Variants in CTNNA3 observed in about 807,000 individuals in gnomAD.
The protein encoded by CTNNA3 is catenin alpha 3, also known as catenin alpha-3.
A neutral mutation model predicts 95.7 loss-of-function variants in CTNNA3; 76 were observed. The ratio of observed to expected loss-of-function variants is 0.79; its 90% CI spans 0.66 to 0.96. The LOEUF (loss-of-function observed/expected upper bound fraction) is 0.96, where lower values mean the gene tolerates loss of function less well. Among genes scored for constraint, CTNNA3 ranks in the 40% least tolerant of loss-of-function variants. The probability of loss-of-function intolerance (pLI) is 0.00; values close to 1 mark genes in which losing one functional copy is unlikely to be tolerated. For missense variants in CTNNA3, 1,191 were observed against 1,089.8 expected, an observed-to-expected ratio of 1.09 and a Z score of -1.31; for synonymous variants, 431 against 374.4, an observed-to-expected ratio of 1.15 and a Z score of -1.74.
intron 13 of CTNNA3, among the ~76,000 whole-genome samples, chr10:66,171,373 C>T (rs977445485): frequency 1.3e-5 from 2 of 151,122 alleles, no homozygotes; most frequent in East Asian, 2.0e-4. Context: ...TGGTGAAACA[C>T]CATCTCTACT....
chr10:67,552,394 T>G (rs943012532), intron 3 of CTNNA3, among the ~76,000 whole-genome samples: 14 of 152,158 alleles, frequency 9.2e-5, no homozygotes, highest in Non-Finnish European at 1.3e-4. Context: ...GGGGTACATG[T>G]GCAGGATGTA....
intron 3 of CTNNA3, among the ~76,000 whole-genome samples, chr10:67,580,358 A>C (rs10823070): frequency 0.23 from 34,246 of 151,438 alleles, 7,154 homozygotes; most frequent in African/African-American, 0.56. Flanking sequence ...CAAAGATCAG[A>C]TGGTTGTAGA....
At chr10:67,424,869 A>G (rs1449474365) in intron 5 of CTNNA3, among the ~76,000 whole-genome samples, 4 of 152,128 alleles carry the variant, frequency 2.6e-5, no homozygotes, top group Non-Finnish European at 5.9e-5. Flanking sequence ...ATGTTTGTTA[A>G]ATGAATACAT....
chr10:66,631,488 G>A (rs556885982), intron 9 of CTNNA3, among the ~76,000 whole-genome samples: 91 of 152,122 alleles, frequency 6.0e-4, no homozygotes, highest in Non-Finnish European at 1.2e-3. Context: ...ATCTAATACT[G>A]AAATTCCTTT....
At chr10:67,071,823 T>A (rs1284317076) in intron 7 of CTNNA3, among the ~76,000 whole-genome samples, 1 of 152,212 alleles carries the variant, frequency 6.6e-6, no homozygotes, top group Non-Finnish European at 1.5e-5. Flanking sequence ...ATGCTTTGAG[T>A]ATTTTTTCAG....
intron 11 of CTNNA3, among the ~76,000 whole-genome samples, chr10:66,484,921 G>A (rs2131914173): frequency 6.6e-6 from 1 of 152,160 alleles, no homozygotes; most frequent in South Asian, 2.1e-4. Context: ...CAGATGCAAG[G>A]ATGATTCAAC....
intron 5 of CTNNA3, among the ~76,000 whole-genome samples, chr10:67,422,065 A>G (rs1564638817): frequency 6.6e-6 from 1 of 152,086 alleles, no homozygotes; most frequent in Non-Finnish European, 1.5e-5. Flanking sequence ...CAAACACAAG[A>G]CAAACTGAGA....
At chr10:66,298,770 T>C (rs1337025747) in intron 12 of CTNNA3, among the ~76,000 whole-genome samples, 1 of 152,172 alleles carries the variant, frequency 6.6e-6, no homozygotes, top group Admixed American at 6.5e-5. Flanking sequence ...CTTGAGCTAG[T>C]GAAGCAACAA....
intron 7 of CTNNA3, among the ~76,000 whole-genome samples, chr10:67,069,076 A>G (rs188852566): frequency 6.4e-4 from 98 of 152,124 alleles, no homozygotes; most frequent in African/African-American, 2.2e-3. Flanking sequence ...GTAAAAATAT[A>G]TATGAAAGAA....
At chr10:66,054,503 A>T (rs1212088444) in intron 15 of CTNNA3, among the ~76,000 whole-genome samples, 6 of 152,120 alleles carry the variant, frequency 3.9e-5, no homozygotes, top group Admixed American at 6.6e-5. Flanking sequence ...TTCATATACC[A>T]GTTTGCCATT....
chr10:66,436,524 T>C (rs1482308704), intron 11 of CTNNA3, among the ~76,000 whole-genome samples: 2 of 114,810 alleles, frequency 1.7e-5, no homozygotes, highest in Admixed American at 7.9e-5. Flanking sequence ...TTTTTTTTTT[T>C]TTGCTTTCTA....
At chr10:66,885,041 C>T (rs1844993151) in intron 7 of CTNNA3, among the ~76,000 whole-genome samples, 1 of 151,990 alleles carries the variant, frequency 6.6e-6, no homozygotes, top group Admixed American at 6.6e-5. Flanking sequence ...CAAAGGGCAC[C>T]CAAGAACCTG....
At chr10:66,970,505 G>GGC (rs1849661760) in intron 7 of CTNNA3, among the ~76,000 whole-genome samples, 1 of 144,636 alleles carries the variant, frequency 6.9e-6, no homozygotes, top group African/African-American at 2.5e-5. Context: ...TCTTGGGTGG[G>GGC]GGGGGGATAC....
intron 13 of CTNNA3, among the ~76,000 whole-genome samples, chr10:66,275,836 G>A (rs1447336488): frequency 6.6e-6 from 1 of 151,758 alleles, no homozygotes; most frequent in Admixed American, 6.6e-5. Context: ...AAAAAAAAAT[G>A]TTAAGGAAGA....
intron 1 of CTNNA3, among the ~76,000 whole-genome samples, chr10:67,656,723 C>G (rs948366453): frequency 6.6e-6 from 1 of 151,610 alleles, no homozygotes; most frequent in Non-Finnish European, 1.5e-5. Flanking sequence ...AGCAGACAGC[C>G]GGGGGAAGAG....
chr10:66,715,584 GTAT>G (rs774844300), intron 9 of CTNNA3, among the ~76,000 whole-genome samples: 3 of 152,094 alleles, frequency 2.0e-5, no homozygotes, highest in Non-Finnish European at 4.4e-5. Flanking sequence ...CAAATGAAAA[GTAT>G]TATGTAAGGC....
chr10:67,602,096 T>C (rs1457269611), intron 3 of CTNNA3, among the ~76,000 whole-genome samples: 2 of 152,078 alleles, frequency 1.3e-5, no homozygotes, highest in African/African-American at 4.8e-5. Context: ...AATAAAGCTA[T>C]CTGTACTCTC....
chr10:67,318,613 T>G (rs539291273), intron 5 of CTNNA3, among the ~76,000 whole-genome samples: 3 of 152,310 alleles, frequency 2.0e-5, no homozygotes, highest in Admixed American at 1.3e-4. Flanking sequence ...TCCAGCTACA[T>G]TGGCCTCCTT....
chr10:67,089,629 A>G (rs1857507132), intron 7 of CTNNA3, among the ~76,000 whole-genome samples: 1 of 152,202 alleles, frequency 6.6e-6, no homozygotes, highest in South Asian at 2.1e-4. Flanking sequence ...CAAAGAAAAA[A>G]GATGGCTACC....
Sources: allele counts gnomAD v4.1 joint callset (sites outside exome capture counted in the v4.1 genomes callset), GRCh38; gene constraint gnomAD v4.1.1; transcripts MANE v1.5; gene names NCBI Gene and HGNC (gene_info 2026-07-23, HGNC 2026-07-21).